Variants in GPD2 observed in about 807,000 individuals in gnomAD.
GPD2 encodes glycerol-3-phosphate dehydrogenase, mitochondrial.
Under a neutral mutation model 82.4 loss-of-function variants are expected in GPD2, and 54 were observed. That is an observed-to-expected ratio of 0.66 (90% CI 0.53 to 0.82). The LOEUF (loss-of-function observed/expected upper bound fraction) is 0.82, where lower values mean the gene tolerates loss of function less well. Among genes scored for constraint, GPD2 ranks in the 40% least tolerant of loss-of-function variants. GPD2 has a pLI of 0.00. For missense variants in GPD2, 748 were observed against 896.2 expected, an observed-to-expected ratio of 0.83 and a Z score of 2.11; for synonymous variants, 288 against 306.1, an observed-to-expected ratio of 0.94 and a Z score of 0.62.
At chr2:156,488,377 A>G (rs757020840) in intron 2 of GPD2, among the ~76,000 whole-genome samples, 4 of 152,222 alleles carry the variant, frequency 2.6e-5, no homozygotes, top group Non-Finnish European at 4.4e-5. Flanking sequence ...AGCAGGAAGC[A>G]GTTTCCCTTA....
intron 6 of GPD2, among the ~76,000 whole-genome samples, chr2:156,541,460 C>G (rs1213482016): frequency 1.3e-5 from 2 of 152,158 alleles, no homozygotes; most frequent in Non-Finnish European, 2.9e-5. Context: ...CTGTTCCCCA[C>G]AGTAGTACTT....
chr2:156,469,319 C>T (rs1433891741), intron 1 of GPD2, among the ~76,000 whole-genome samples: 9 of 152,100 alleles, frequency 5.9e-5, no homozygotes, highest in Non-Finnish European at 1.0e-4. Context: ...CCCACCACCA[C>T]GCCTGGCTAA....
In GPD2 at chr2:156,454,219, G is replaced by A. The variant is rs143394559; in HGVS notation, c.-9+17706G>A. On this transcript the variant is annotated intron_variant, in intron 1 of 16. Coordinates refer to ENST00000438166, the MANE Select transcript of GPD2 (RefSeq NM_000408.5). ...GATGTCGGTGTTCCATCAGGAGCAG[G>A]GTTCTGGGGGCCTTTTGTGAAGCTA... Among the ~76,000 whole-genome samples, 1,223 of 152,240 alleles carry A rather than the reference G, an allele frequency of 8.0e-3. 5 individuals carry two copies. Among genetic ancestry groups the A allele is most frequent in the Non-Finnish European group, 0.012 (787 of 68,016 alleles).
At chr2:156,534,740 A>G (rs1477502711) in intron 6 of GPD2, among the ~76,000 whole-genome samples, 1 of 152,158 alleles carries the variant, frequency 6.6e-6, no homozygotes, top group African/African-American at 2.4e-5. Context: ...TAATTATATG[A>G]ATACCATCTA....
intron 1 of GPD2, among the ~76,000 whole-genome samples, chr2:156,449,220 C>T (rs973055935): frequency 4.6e-5 from 7 of 151,580 alleles, no homozygotes; most frequent in Non-Finnish European, 1.0e-4. Flanking sequence ...ATGTTGTGGG[C>T]GTCATTATTT....
intron 2 of GPD2, among the ~76,000 whole-genome samples, chr2:156,487,235 G>T (rs544496701): frequency 6.6e-6 from 1 of 152,140 alleles, no homozygotes; most frequent in South Asian, 2.1e-4. Flanking sequence ...CACAAACCCA[G>T]GAGGTGGAAG....
chr2:156,553,787 T>C (rs573263004), intron 8 of GPD2, among the ~76,000 whole-genome samples: 7 of 152,336 alleles, frequency 4.6e-5, no homozygotes, highest in Admixed American at 1.3e-4. Flanking sequence ...ATTTGGTGTC[T>C]TTTAAGAATA....
intron 1 of GPD2, among the ~76,000 whole-genome samples, chr2:156,454,425 A>G (rs1682718809): frequency 6.6e-6 from 1 of 151,926 alleles, no homozygotes; most frequent in Non-Finnish European, 1.5e-5. Flanking sequence ...GGTAGGCCAA[A>G]TGGGAGGATT....
Position 156,579,021 on chromosome 2 carries a change from A to G in GPD2, c.1880+20A>G, listed in dbSNP as rs745999953. 20 of 1,546,526 alleles carry G rather than the reference A, an allele frequency of 1.3e-5. No individual in the cohort carries two copies. Among genetic ancestry groups the G allele is most frequent in the South Asian group, 8.9e-5 (8 of 89,678 alleles). On this transcript the variant is annotated intron_variant, in intron 14 of 16. Transcript: ENST00000438166. ...TGACAGGTACTTATAATAAGTGTCT[A>G]TCTATCTCTCTTTTTTTTTGGCCTA...
intron 2 of GPD2, among the ~76,000 whole-genome samples, chr2:156,492,853 A>G (rs1295102137): frequency 6.6e-6 from 1 of 152,206 alleles, no homozygotes; most frequent in Non-Finnish European, 1.5e-5. Flanking sequence ...ATTTATAATG[A>G]CACCCTTACT....
In GPD2 at chr2:156,496,127, G is replaced by A. The variant is rs749484773; in HGVS notation, c.186G>A (p.Leu62=). The change falls in exon 3 of 17, where the codon CTG becomes CTA. Residue 62 remains leucine (L), a synonymous_variant. Transcript: ENST00000438166. ...REPPSREAQL[L]TLQNTSEFDI... ...CTCCTTCCAGAGAAGCTCAGCTACT[G>A]ACTTTGCAAAACACATCTGAATTTG... The A allele has an allele frequency of 1.1e-5, 17 of 1,612,792 alleles. No individual in the cohort carries two copies. The highest frequency in any genetic ancestry group is 1.4e-5 in the Non-Finnish European group (17 of 1,178,838).
chr2:156,479,983 G>A (rs1025693166), intron 2 of GPD2, among the ~76,000 whole-genome samples: 1 of 152,166 alleles, frequency 6.6e-6, no homozygotes, highest in Admixed American at 6.5e-5. Context: ...GGAGCAAGCA[G>A]AGACACTCTG....
At position 156,570,203 on chromosome 2, in the gene GPD2, A is replaced by G. The variant is rs748864177; in HGVS notation, c.1593A>G (p.Pro531=). The G allele has an allele frequency of 2.5e-6, 4 of 1,612,872 alleles. No individual in the cohort carries two copies. The highest frequency in any genetic ancestry group is 2.2e-5 in the South Asian group (2 of 91,062). Residue 531 remains proline (P), a synonymous_variant, in exon 12 of 17, where the codon CCA becomes CCG. Transcript: ENST00000438166. ...GAGTACGTCTTGTGTCAGAATTTCC[A>G]TATATTGAAGCAGAGGTATGTGAAT... ...IVGVRLVSEF[P]YIEAEVKYGI...
chr2:156,419,115 A>AATGGTGC, the GPD2 span, among the ~76,000 whole-genome samples: 1 of 132,070 alleles, frequency 7.6e-6, no homozygotes, highest in Non-Finnish European at 1.5e-5. Flanking sequence ...GCTGGAGTGC[A>AATGGTGC]ATGGTGCAAT....
the GPD2 span, among the ~76,000 whole-genome samples, chr2:156,414,302 C>T: frequency 2.0e-5 from 3 of 152,242 alleles, no homozygotes; most frequent in Admixed American, 6.5e-5. Flanking sequence ...ACATAAATAA[C>T]GTATAAGTGA....
intron 13 of GPD2, 126 bp from the exon 14 acceptor site, chr2:156,578,763 T>TA (rs1211152382): frequency 6.0e-6 from 4 of 671,540 alleles, no homozygotes; most frequent in Admixed American, 4.8e-5. Flanking sequence ...CTGGAAGAAA[T>TA]AAAAAAATTG....
At chr2:156,504,122 A>AATAG (rs10623253) in intron 3 of GPD2, among the ~76,000 whole-genome samples, 105,825 of 151,514 alleles carry the variant, frequency 0.7, 37,092 homozygotes, top group Middle Eastern at 0.82. Context: ...TAAACATAGA[A>AATAG]ATAAATAACC....
chr2:156,480,497 G>A (rs141460249), intron 2 of GPD2, among the ~76,000 whole-genome samples: 10 of 152,072 alleles, frequency 6.6e-5, no homozygotes, highest in African/African-American at 1.4e-4. Context: ...AAAAACTGAT[G>A]TGATGATGTA....
At position 156,565,374 on chromosome 2, in the gene GPD2, A is replaced by G. The variant is rs1017952457; in HGVS notation, c.1166-3451A>G. On this transcript the variant is annotated intron_variant, in intron 9 of 16. Coordinates refer to ENST00000438166, the MANE Select transcript of GPD2 (RefSeq NM_000408.5). ...TTTGGTAACGATTAAAACACTTTTT[A>G]CAACTTGTTTTGAGGTTTTATATGA... Among the ~76,000 whole-genome samples, 4 of 152,134 alleles carry G rather than the reference A, an allele frequency of 2.6e-5. No individual in the cohort carries two copies. In the East Asian group the frequency reaches 5.8e-4, roughly 22 times the overall value.
Sources: allele counts gnomAD v4.1 joint callset (sites outside exome capture counted in the v4.1 genomes callset), GRCh38; gene constraint gnomAD v4.1.1; transcripts MANE v1.5; gene names NCBI Gene and HGNC (gene_info 2026-07-23, HGNC 2026-07-21).